The following PHLDB2 variants were observed in gnomAD, a reference collection of about 807,000 sequenced individuals.
The protein encoded by PHLDB2 is pleckstrin homology-like domain family B member 2.
PHLDB2 carries 71 observed loss-of-function variants against 123.6 expected under a neutral mutation model. The ratio of observed to expected loss-of-function variants is 0.57; its 90% CI spans 0.47 to 0.70. PHLDB2 has a LOEUF of 0.70. Ranked by LOEUF, PHLDB2 falls within the 30% of genes least tolerant of loss-of-function variation. The pLI is 0.00. For synonymous variants in PHLDB2, 547 were observed against 541.6 expected, an observed-to-expected ratio of 1.01 and a Z score of -0.14; for missense variants, 1,446 against 1,519.5, an observed-to-expected ratio of 0.95 and a Z score of 0.80.
At chr3:111,889,617 G>C (rs2066363483) in intron 2 of PHLDB2, among the ~76,000 whole-genome samples, 1 of 152,154 alleles carries the variant, frequency 6.6e-6, no homozygotes, top group African/African-American at 2.4e-5. Flanking sequence ...TGGCAGTATT[G>C]ATTGAGCTCA....
intron 10 of PHLDB2, among the ~76,000 whole-genome samples, chr3:111,951,409 C>G (rs1489306391): frequency 6.6e-6 from 1 of 152,072 alleles, no homozygotes; most frequent in Non-Finnish European, 1.5e-5. Flanking sequence ...AATTGATTAG[C>G]TAGTATAAAC....
At chr3:111,802,377 C>T (rs2061411051) in intron 1 of PHLDB2, among the ~76,000 whole-genome samples, 1 of 152,242 alleles carries the variant, frequency 6.6e-6, no homozygotes, top group South Asian at 2.1e-4. Context: ...TCCTCATTTT[C>T]TCTGTGTTGT....
At chr3:111,771,584 G>A (rs952097711) in intron 1 of PHLDB2, among the ~76,000 whole-genome samples, 3 of 151,922 alleles carry the variant, frequency 2.0e-5, no homozygotes, top group Non-Finnish European at 4.4e-5. Flanking sequence ...CAAGTAGTCC[G>A]CCTGCCTCAG....
intron 1 of PHLDB2, among the ~76,000 whole-genome samples, chr3:111,870,925 C>A (rs1282932): frequency 0.6 from 91,683 of 152,024 alleles, 28,619 homozygotes; most frequent in Middle Eastern, 0.79. Context: ...GACTCCAAGT[C>A]AGCGTCTCTG....
At chr3:111,787,444 A>G (rs1257315845) in intron 1 of PHLDB2, among the ~76,000 whole-genome samples, 1 of 152,118 alleles carries the variant, frequency 6.6e-6, no homozygotes, top group Admixed American at 6.5e-5. Context: ...TTGGGTTTCA[A>G]ATGCTGAAAA....
At chr3:111,907,842 G>A (rs1269477263) in intron 2 of PHLDB2, among the ~76,000 whole-genome samples, 1 of 151,964 alleles carries the variant, frequency 6.6e-6, no homozygotes, top group Non-Finnish European at 1.5e-5. Context: ...TGTCTCTCAG[G>A]CTGGAGTGCA....
At chr3:111,843,587 T>C (rs971891069) in intron 1 of PHLDB2, among the ~76,000 whole-genome samples, 1 of 152,152 alleles carries the variant, frequency 6.6e-6, no homozygotes, top group African/African-American at 2.4e-5. Flanking sequence ...AGACAGGATC[T>C]CTCTATGTTG....
At chr3:111,935,653 G>A (rs563885458) in intron 6 of PHLDB2, among the ~76,000 whole-genome samples, 1 of 152,278 alleles carries the variant, frequency 6.6e-6, no homozygotes, top group Admixed American at 6.5e-5. Context: ...GAAGTACTTG[G>A]AGTCCAGTGT....
At chr3:111,818,576 A>G (rs1450210903) in intron 1 of PHLDB2, among the ~76,000 whole-genome samples, 1 of 152,146 alleles carries the variant, frequency 6.6e-6, no homozygotes, top group Non-Finnish European at 1.5e-5. Flanking sequence ...TATTTCCACA[A>G]TGCCATACAC....
At chr3:111,972,389 G>C (rs1187241669) in intron 16 of PHLDB2, among the ~76,000 whole-genome samples, 2 of 152,088 alleles carry the variant, frequency 1.3e-5, no homozygotes, top group Non-Finnish European at 2.9e-5. Flanking sequence ...TTTACTCTCT[G>C]CTGAACTTTT....
chr3:111,823,823 C>T (rs925947016), intron 1 of PHLDB2, among the ~76,000 whole-genome samples: 2 of 152,116 alleles, frequency 1.3e-5, no homozygotes, highest in South Asian at 2.1e-4. Context: ...ACTGGCCTGA[C>T]GTTCCTCACC....
intron 1 of PHLDB2, among the ~76,000 whole-genome samples, chr3:111,873,450 A>T (rs183198799): frequency 6.6e-6 from 1 of 152,204 alleles, no homozygotes; most frequent in Non-Finnish European, 1.5e-5. Flanking sequence ...AACAGGTTCG[A>T]GTATATTAAT....
intron 1 of PHLDB2, among the ~76,000 whole-genome samples, chr3:111,830,778 C>T (rs1277637645): frequency 8.2e-6 from 1 of 122,116 alleles, no homozygotes; most frequent in Non-Finnish European, 1.6e-5. Context: ...CACTGCACTC[C>T]AGCCTGGGCG....
chr3:111,807,194 A>G (rs74327827), intron 1 of PHLDB2, among the ~76,000 whole-genome samples: 7,098 of 152,136 alleles, frequency 0.047, 473 homozygotes, highest in East Asian at 0.27. Flanking sequence ...TACAATGAGG[A>G]TAATAATGTC....
chr3:111,958,808 G>A (rs2071211460), intron 12 of PHLDB2: 1 of 438,098 alleles, frequency 2.3e-6, no homozygotes, highest in East Asian at 7.0e-5. Context: ...AGTCTCAGGG[G>A]TTGGGAAAGT....
At chr3:111,792,560 C>T (rs1285151864) in intron 1 of PHLDB2, among the ~76,000 whole-genome samples, 2 of 151,918 alleles carry the variant, frequency 1.3e-5, no homozygotes, top group Non-Finnish European at 2.9e-5. Context: ...TTTTAAAATT[C>T]GCCAAGTGTA....
rs536165618 is a variant in PHLDB2 at position 111,780,099 on chromosome 3, C to A, written c.-49+47396C>A. On this transcript the variant is annotated intron_variant, in intron 1 of 17. Coordinates refer to the PHLDB2 transcript ENST00000393923. ...TTATTAGAAAGGCTAAAGTATAGCT[C>A]TTCTGTGGTTTGGAATGCCCCCACC... is the stretch of plus-strand genomic sequence containing the variant. Among the ~76,000 whole-genome samples, 17 of 151,472 alleles carry A rather than the reference C, an allele frequency of 1.1e-4. No homozygotes were observed. In the East Asian group the frequency reaches 3.1e-3, roughly 28 times the overall value.
At chr3:111,935,169 G>C (rs1400136937) in intron 6 of PHLDB2, among the ~76,000 whole-genome samples, 1 of 144,538 alleles carries the variant, frequency 6.9e-6, no homozygotes, top group Non-Finnish European at 1.5e-5. Flanking sequence ...GTGCGATCTC[G>C]GCTCACTGCA....
At chr3:111,842,152 G>T (rs1187084369) in intron 1 of PHLDB2, among the ~76,000 whole-genome samples, 1 of 152,174 alleles carries the variant, frequency 6.6e-6, no homozygotes, top group Non-Finnish European at 1.5e-5. Flanking sequence ...CACAGTACCT[G>T]GCTTATAACT....
Sources: gnomAD v4.1 joint callset for allele counts (sites outside exome capture counted in the v4.1 genomes callset) on GRCh38, gnomAD v4.1.1 for gene constraint, MANE v1.5 for transcripts, NCBI Gene and HGNC (gene_info 2026-07-23, HGNC 2026-07-21) for gene names.